The following PIEZO2 variants were observed in gnomAD, a reference collection of about 807,000 sequenced individuals.
The protein encoded by PIEZO2 is piezo-type mechanosensitive ion channel component 2.
A neutral mutation model predicts 337.3 loss-of-function variants in PIEZO2; 172 were observed. The ratio of observed to expected loss-of-function variants is 0.51; its 90% CI spans 0.45 to 0.58. The LOEUF is 0.58. Among genes scored for constraint, PIEZO2 ranks in the 20% least tolerant of loss-of-function variants. The pLI is 0.00. For missense variants in PIEZO2, 3,028 were observed against 3,391.3 expected (o/e 0.89, Z 2.66); for synonymous variants, 1,251 against 1,228.5 (o/e 1.02, Z -0.38).
chr18:10,685,545 G>A (rs764770140), intron 49 of PIEZO2, among the ~76,000 whole-genome samples: 1 of 152,302 alleles, frequency 6.6e-6, no homozygotes, highest in South Asian at 2.1e-4. Context: ...TTGGGAGGCG[G>A]GGTGGTGGCT....
rs1037970085 is a variant in PIEZO2 at position 10,815,115 on chromosome 18, C to A, written c.918-7841G>T. On this transcript the variant is annotated intron_variant, in intron 7 of 55. Transcript: ENST00000674853. The surrounding 1 kb of genome is among the most constrained non-coding windows in gnomAD (Gnocchi z 4.1). ...CTTTTTCTTCCATCCCCTACCGACC[C>A]TTTCCCCACTCTAATGGCATAAATC... Among the ~76,000 whole-genome samples, 6 of 152,154 alleles carry A rather than the reference C, an allele frequency of 3.9e-5. No individual in the cohort carries two copies. Among genetic ancestry groups the A allele is most frequent in the African/African-American group, 1.4e-4 (6 of 41,436 alleles).
chr18:11,091,926 A>G (rs1489288311), intron 1 of PIEZO2, among the ~76,000 whole-genome samples: 2 of 152,084 alleles, frequency 1.3e-5, no homozygotes, highest in Non-Finnish European at 2.9e-5. Context: ...TCACACGACA[A>G]CCTCCTAAAG....
chr18:11,090,905 C>T (rs2039063148), intron 1 of PIEZO2, among the ~76,000 whole-genome samples: 1 of 114,084 alleles, frequency 8.8e-6, no homozygotes, highest in Non-Finnish European at 1.7e-5. Context: ...CAGAGCGAGA[C>T]TCCGTCTAAA....
rs925107857 is a variant in PIEZO2 at position 11,028,407 on chromosome 18, C to T, written c.160+37720G>A. 1.3e-5 allele frequency among the ~76,000 whole-genome samples: 2 copies of T among 151,982 alleles called. No homozygotes were observed. The highest frequency in any genetic ancestry group is 4.8e-5 in the African/African-American group (2 of 41,358). The stretch of plus-strand genomic sequence containing the variant: ...TCCTGAGTAGCTGGAAGTACAGGCA[C>T]GCACATCCACACCTGGGTAATTTTT... On this transcript the variant is annotated intron_variant, in intron 2 of 55. Transcript: ENST00000674853. The surrounding 1 kb of genome is among the most constrained non-coding windows in gnomAD (Gnocchi z 4.8).
At position 10,691,387 on chromosome 18, in the gene PIEZO2, A is replaced by C. The variant is rs892230688; in HGVS notation, c.7191-4T>G. On this transcript the variant is annotated splice_region_variant and splice_polypyrimidine_tract_variant and intron_variant, in intron 47 of 55. Transcript: ENST00000674853. ...AACCAGGTTCTGGCTGAATTTCCTA[A>C]AATGTAAAAGTACAGAAAGTGAAGC... 2 of 1,612,336 alleles carry C rather than the reference A, an allele frequency of 1.2e-6. No individual in the cohort carries two copies. Among genetic ancestry groups the C allele is most frequent in the Admixed American group, 1.7e-5 (1 of 59,758 alleles).
At chr18:10,909,997 C>T (rs933181266) in intron 4 of PIEZO2, among the ~76,000 whole-genome samples, 1 of 152,176 alleles carries the variant, frequency 6.6e-6, no homozygotes, top group Non-Finnish European at 1.5e-5. Flanking sequence ...CATGGGTCTA[C>T]CGATGTGCTA....
At position 10,671,782 on chromosome 18, in the gene PIEZO2, G is replaced by T; in HGVS notation, c.8346-3C>A. 1 of 1,587,740 alleles carries T rather than the reference G, an allele frequency of 6.3e-7. No individual in the cohort carries two copies. The highest frequency in any genetic ancestry group is 8.6e-7 in the Non-Finnish European group (1 of 1,167,252). Reference sequence around the variant, plus strand: ...CTGAAGCATATAATCCCATAATACTGAAAAAAACAGTAAGTAGAAATTGCA... The same window carrying T: ...CTGAAGCATATAATCCCATAATACTTAAAAAAACAGTAAGTAGAAATTGCA... On this transcript the variant is annotated splice_polypyrimidine_tract_variant and splice_region_variant and intron_variant, in intron 55 of 55. Coordinates refer to ENST00000674853, the MANE Select transcript of PIEZO2 (RefSeq NM_001378183.1).
rs115769939 is a variant in PIEZO2 at position 10,807,694 on chromosome 18, T to G, written c.918-420A>C. On this transcript the variant is annotated intron_variant, in intron 7 of 55. Transcript: ENST00000674853. ...TCCAGCTAAATGAGCAAATATTTTG[T>G]TTTTGGCTAGGTTCAGCATTAGTTG... 4.7e-3 allele frequency among the ~76,000 whole-genome samples: 710 copies of G among 152,312 alleles called. 7 individuals carry two copies. Among genetic ancestry groups the G allele is most frequent in the African/African-American group, 0.016 (657 of 41,582 alleles).
chr18:11,030,519 G>A (rs758636590), intron 2 of PIEZO2, among the ~76,000 whole-genome samples: 10 of 152,290 alleles, frequency 6.6e-5, no homozygotes, highest in Non-Finnish European at 1.5e-4. Context: ...GTGGTTACGG[G>A]AAGGAGTGAT....
At chr18:11,019,282 G>A (rs539869156) in intron 2 of PIEZO2, among the ~76,000 whole-genome samples, 2 of 152,218 alleles carry the variant, frequency 1.3e-5, no homozygotes, top group South Asian at 2.1e-4. Context: ...CACCTAATCC[G>A]CTACTTAAAA....
At chr18:11,057,766 G>A (rs906472565) in intron 2 of PIEZO2, among the ~76,000 whole-genome samples, 2 of 152,222 alleles carry the variant, frequency 1.3e-5, no homozygotes, top group Admixed American at 6.5e-5. Flanking sequence ...CCATGATTCT[G>A]TAAGTTGCAG....
At chr18:11,141,227 G>A (rs898116153) in intron 1 of PIEZO2, among the ~76,000 whole-genome samples, 6 of 152,172 alleles carry the variant, frequency 3.9e-5, no homozygotes, top group African/African-American at 1.4e-4. Context: ...GGAGAAAAGA[G>A]CCTATTTGCC....
chr18:11,085,591 G>T, intron 1 of PIEZO2, among the ~76,000 whole-genome samples: 1 of 152,000 alleles, frequency 6.6e-6, no homozygotes, highest in South Asian at 2.1e-4. Context: ...TTGATGTTTA[G>T]ATTGTTCACT....
In PIEZO2 at chr18:11,022,931, T is replaced by C. The variant is rs141981420; in HGVS notation, c.160+43196A>G. On this transcript the variant is annotated intron_variant, in intron 2 of 55. Coordinates refer to ENST00000674853, the MANE Select transcript of PIEZO2 (RefSeq NM_001378183.1). The stretch of plus-strand genomic sequence containing the variant: ...TTTCTTCCTTCTGGTGGGTTCGTGG[T>C]CTCGCTGGCTCAGGAGTGAAGCTGC... 5.9e-5 allele frequency among the ~76,000 whole-genome samples: 9 copies of C among 152,204 alleles called. No homozygotes were observed. The East Asian group carries it at 1.7e-3, about 30-fold the overall frequency.
chr18:11,077,640 A>C lies in PIEZO2; in HGVS notation c.65-11418T>G, dbSNP rs555656572. On this transcript the variant is annotated intron_variant, in intron 1 of 55. Coordinates refer to ENST00000674853, the MANE Select transcript of PIEZO2 (RefSeq NM_001378183.1). This position sits in a 1 kb window ranked among gnomAD's most constrained non-coding sequence, Gnocchi z 4.8. The stretch of plus-strand genomic sequence containing the variant: ...CAGTGAGCTGTGATCGCACCACTGC[A>C]CTCCAGCCTGTTTCAGAAGTTCTCT... Among the ~76,000 whole-genome samples the C allele has an allele frequency of 4.6e-5, 7 of 152,260 alleles. No homozygotes were observed. In the South Asian group the frequency reaches 1.5e-3, roughly 32 times the overall value.
chr18:11,046,504 TCA>T (rs2037321630), intron 2 of PIEZO2, among the ~76,000 whole-genome samples: 1 of 152,220 alleles, frequency 6.6e-6, no homozygotes, highest in Admixed American at 6.5e-5. Context: ...TAATCAATCC[TCA>T]CCTACTACAC....
chr18:10,747,689 T>TA (rs915559327), intron 30 of PIEZO2, among the ~76,000 whole-genome samples: 7 of 152,188 alleles, frequency 4.6e-5, no homozygotes, highest in African/African-American at 1.7e-4. Context: ...ACTGCCATCA[T>TA]ATAAATGGAC....
Position 10,716,274 on chromosome 18 carries a change from C to G in PIEZO2, c.5090-458G>C, listed in dbSNP as rs2036007491. Among the ~76,000 whole-genome samples the G allele has an allele frequency of 6.6e-6, 1 of 152,206 alleles. No individual in the cohort carries two copies. The highest frequency in any genetic ancestry group is 1.5e-5 in the Non-Finnish European group (1 of 68,038). ...CTTCTTCCTCCTCCTCCTCAACCCA[C>G]TCAAGGGAAGGACGATGAGGATGAG... On this transcript the variant is annotated intron_variant, in intron 37 of 55. Coordinates refer to ENST00000674853, the MANE Select transcript of PIEZO2 (RefSeq NM_001378183.1). This position sits in a 1 kb window ranked among gnomAD's most constrained non-coding sequence, Gnocchi z 4.1.
chr18:10,770,042 C>T (rs979477565), intron 21 of PIEZO2, 106 bp downstream of exon 21: 36 of 1,197,032 alleles, frequency 3.0e-5, no homozygotes, highest in Middle Eastern at 2.0e-4. Context: ...CTTGATACTC[C>T]GATGTAATGC....
Sources: gnomAD v4.1 joint callset for allele counts (sites outside exome capture counted in the v4.1 genomes callset) on GRCh38, gnomAD v4.1.1 for gene constraint, Gnocchi (gnomAD v3.1) non-coding constraint, MANE v1.5 for transcripts, NCBI Gene and HGNC (gene_info 2026-07-23, HGNC 2026-07-21) for gene names.